PHACTR2: variants seen among roughly 807,000 people sequenced by gnomAD.
The protein encoded by PHACTR2 is phosphatase and actin regulator 2.
PHACTR2 carries 30 observed loss-of-function variants against 76.0 expected under a neutral mutation model. The observed-to-expected ratio is 0.39, with a 90% CI of 0.30 to 0.54. The LOEUF (loss-of-function observed/expected upper bound fraction) is 0.54, where lower values mean the gene tolerates loss of function less well. PHACTR2 is among the 20% of genes least tolerant of loss of function. The pLI is 0.61. For synonymous variants in PHACTR2, 292 were observed against 292.5 expected (o/e 1.00, Z 0.02); for missense variants, 696 against 781.1 (o/e 0.89, Z 1.30).
Position 143,730,484 on chromosome 6 carries a change from C to G in PHACTR2, c.214+18301C>G, listed in dbSNP as rs1778675741. ...CCAGTTGTTCCTTGTATCATGCTACCTTATTAAACTCACTTATCAGTTCTA... is the reference window on the plus strand; with the variant it reads ...CCAGTTGTTCCTTGTATCATGCTACGTTATTAAACTCACTTATCAGTTCTA... On this transcript the variant is annotated intron_variant, in intron 2 of 12. Coordinates refer to ENST00000440869, the MANE Select transcript of PHACTR2 (RefSeq NM_001100164.2). This position sits in a 1 kb window ranked among gnomAD's most constrained non-coding sequence, Gnocchi z 4.8. Among the ~76,000 whole-genome samples, 1 of 151,878 alleles carries G rather than the reference C, an allele frequency of 6.6e-6. No individual in the cohort carries two copies. Among genetic ancestry groups the G allele is most frequent in the African/African-American group, 2.4e-5 (1 of 41,352 alleles).
In PHACTR2 at chr6:143,829,034, T is replaced by C. The variant is rs1455594135; in HGVS notation, c.*5345T>C. On this transcript the variant is annotated 3_prime_UTR_variant, in exon 13 of 13. Transcript: ENST00000440869. Reference sequence around the variant, plus strand: ...CCTGAATGGTTTTTCTCCCTTCATTTTTCGAGCCTTTCTCTCAGTGCAGCT... The same window carrying C: ...CCTGAATGGTTTTTCTCCCTTCATTCTTCGAGCCTTTCTCTCAGTGCAGCT... 2 of 152,140 alleles carry C rather than the reference T, an allele frequency of 1.3e-5. No individual in the cohort carries two copies. Among genetic ancestry groups the C allele is most frequent in the African/African-American group, 4.8e-5 (2 of 41,406 alleles). The allele number at this position is 152,140 out of a possible 1,614,324, so 9.4% of individuals were successfully genotyped here.
In PHACTR2 at chr6:143,811,275, A is replaced by G. The variant is rs9496772; in HGVS notation, c.1922+4142A>G. 7.4e-3 allele frequency among the ~76,000 whole-genome samples: 1,127 copies of G among 152,194 alleles called. 17 individuals carry two copies. The highest frequency in any genetic ancestry group is 0.025 in the African/African-American group (1,053 of 41,526). ...TTTCTGGATTGCTTATTATGTTCTA[A>G]TGAGCTGTTTGTCTATCCATGTCTA... is the stretch of plus-strand genomic sequence containing the variant. On this transcript the variant is annotated intron_variant, in intron 12 of 12. Coordinates refer to ENST00000440869, the MANE Select transcript of PHACTR2 (RefSeq NM_001100164.2). The surrounding 1 kb of genome is among the most constrained non-coding windows in gnomAD (Gnocchi z 4.1).
intron 1 of PHACTR2, among the ~76,000 whole-genome samples, chr6:143,705,757 A>G (rs185756732): frequency 7.4e-4 from 112 of 152,258 alleles, no homozygotes; most frequent in African/African-American, 2.4e-3. Flanking sequence ...ACAGCTTATC[A>G]CTGGTGATGT....
chr6:143,546,569 A>G lies in PHACTR2; in HGVS notation c.217+9362A>G, dbSNP rs1282024153. Among the ~76,000 whole-genome samples, 1 of 152,190 alleles carries G rather than the reference A, an allele frequency of 6.6e-6. No homozygotes were observed. The highest frequency in any genetic ancestry group is 2.4e-5 in the African/African-American group (1 of 41,448). The stretch of plus-strand genomic sequence containing the variant: ...TTTCACCTACCTGAATGTTTGGCAT[A>G]TCTTCTTTGGAGGTATAATTTCTAT... On this transcript the variant is annotated intron_variant, in intron 1 of 11. Transcript: ENST00000367584. The surrounding 1 kb of genome is among the most constrained non-coding windows in gnomAD (Gnocchi z 4.9).
rs1369703269 is a variant in PHACTR2, at chr6:143,829,783, C to T, written c.*6094C>T. 6.6e-6 allele frequency: 1 copy of T among 151,936 alleles called. No homozygotes were observed. The highest frequency in any genetic ancestry group is 1.5e-5 in the Non-Finnish European group (1 of 67,986). The allele number at this position is 151,936 out of a possible 1,614,324, so 9.4% of individuals were successfully genotyped here. A position where few individuals can be genotyped will look rare whatever the true frequency, so the allele number is the denominator to read the frequency against. ...AAAGTTTCTAAATTGTTTTTGGGGC[C>T]GAGTAACGCAGAGTCAATAAAGGTG... On this transcript the variant is annotated 3_prime_UTR_variant, in exon 13 of 13. Coordinates refer to ENST00000440869, the MANE Select transcript of PHACTR2 (RefSeq NM_001100164.2).
At chr6:143,768,739 G>T (rs1775019849) in intron 6 of PHACTR2, among the ~76,000 whole-genome samples, 1 of 152,122 alleles carries the variant, frequency 6.6e-6, no homozygotes. Flanking sequence ...ATAATCAGAG[G>T]GAGTGAGCTT....
intron 2 of PHACTR2, among the ~76,000 whole-genome samples, chr6:143,728,346 G>A (rs1199363931): frequency 6.6e-6 from 1 of 150,510 alleles, no homozygotes; most frequent in African/African-American, 2.4e-5. Context: ...CGAGTAGCTG[G>A]GACTACAGGC....
At chr6:143,666,131 G>C (rs1777030324) in intron 1 of PHACTR2, among the ~76,000 whole-genome samples, 2 of 151,244 alleles carry the variant, frequency 1.3e-5, no homozygotes, top group Admixed American at 6.6e-5. Flanking sequence ...TGTGGTGTTT[G>C]GTTTTCCGTT....
chr6:143,588,949 A>G (rs984081055), intron 1 of PHACTR2, among the ~76,000 whole-genome samples: 1 of 152,242 alleles, frequency 6.6e-6, no homozygotes, highest in African/African-American at 2.4e-5. Context: ...TCAATGATCA[A>G]AATGCTTCAT....
chr6:143,725,730 G>T (rs1207560504), intron 2 of PHACTR2, among the ~76,000 whole-genome samples: 2 of 151,640 alleles, frequency 1.3e-5, no homozygotes, highest in African/African-American at 4.9e-5. Flanking sequence ...GGAGGCTGAG[G>T]CAGGACAATC....
chr6:143,665,979 C>T (rs141698811), intron 1 of PHACTR2, among the ~76,000 whole-genome samples: 2,798 of 152,090 alleles, frequency 0.018, 87 homozygotes, highest in African/African-American at 0.062. Flanking sequence ...CCCATAAACC[C>T]GTCATCTACA....
Position 143,592,708 on chromosome 6 carries a change from A to ATTCCATAT in PHACTR2, c.217+55503_217+55510dup, listed in dbSNP as rs1384801195. On this transcript the variant is annotated intron_variant, in intron 1 of 11. Coordinates refer to the PHACTR2 transcript ENST00000367584. The surrounding 1 kb of genome is among the most constrained non-coding windows in gnomAD (Gnocchi z 4.0). The stretch of plus-strand genomic sequence containing the variant: ...TAGACTTGGGTTCCATCCCCAGTTC[A>ATTCCATAT]TTCCATATTCATTGTCTACATTACA... Among the ~76,000 whole-genome samples the ATTCCATAT allele has an allele frequency of 6.6e-6, 1 of 152,132 alleles. No homozygotes were observed. The highest frequency in any genetic ancestry group is 1.9e-4 in the East Asian group (1 of 5,180).
At position 143,580,319 on chromosome 6, in the gene PHACTR2, A is replaced by G. The variant is rs970722425; in HGVS notation, c.217+43112A>G. The stretch of plus-strand genomic sequence containing the variant: ...GCCAACACGGTGAAACCCCGTCTCT[A>G]CTAAAAATACAAAAAATTAGCCCGG... On this transcript the variant is annotated intron_variant, in intron 1 of 11. Coordinates refer to the PHACTR2 transcript ENST00000367584. This position sits in a 1 kb window ranked among gnomAD's most constrained non-coding sequence, Gnocchi z 4.2. Among the ~76,000 whole-genome samples, 14 of 152,282 alleles carry G rather than the reference A, an allele frequency of 9.2e-5. No homozygotes were observed. The highest frequency in any genetic ancestry group is 3.4e-4 in the African/African-American group (14 of 41,568).
intron 1 of PHACTR2, among the ~76,000 whole-genome samples, chr6:143,601,311 T>TA (rs1021615089): frequency 1.1e-4 from 16 of 152,306 alleles, no homozygotes; most frequent in Middle Eastern, 6.8e-3. Flanking sequence ...GGATGGCCTT[T>TA]AGATCTGTAC....
intron 3 of PHACTR2, among the ~76,000 whole-genome samples, chr6:143,749,568 A>G (rs923251678): frequency 6.6e-6 from 1 of 152,176 alleles, no homozygotes; most frequent in Non-Finnish European, 1.5e-5. Context: ...AGGCAAACTA[A>G]ACTAACCTGC....
At chr6:143,737,694 C>T (rs1778851383) in intron 2 of PHACTR2, among the ~76,000 whole-genome samples, 1 of 152,210 alleles carries the variant, frequency 6.6e-6, no homozygotes, top group African/African-American at 2.4e-5. Flanking sequence ...AGTTACCTTT[C>T]CCCAAACTGC....
At position 143,663,809 on chromosome 6, in the gene PHACTR2, T is replaced by C. The variant is rs1478096808; in HGVS notation, c.14-48207T>C. Among the ~76,000 whole-genome samples the C allele has an allele frequency of 6.6e-6, 1 of 152,168 alleles. No homozygotes were observed. Among genetic ancestry groups the C allele is most frequent in the Admixed American group, 6.5e-5 (1 of 15,272 alleles). On this transcript the variant is annotated intron_variant, in intron 1 of 11. Coordinates refer to the PHACTR2 transcript ENST00000305766. This position sits in a 1 kb window ranked among gnomAD's most constrained non-coding sequence, Gnocchi z 4.1. ...GTCAGAGATCAGGGATTACTTAATA[T>C]GAATTACTTAAAATTTATTGAGATT...
intron 1 of PHACTR2, among the ~76,000 whole-genome samples, chr6:143,620,464 ATACT>A (rs1362034645): frequency 2.6e-5 from 4 of 151,730 alleles, no homozygotes; most frequent in African/African-American, 9.7e-5. Flanking sequence ...AATGCTGTAC[ATACT>A]TCACCAAATT....
intron 1 of PHACTR2, among the ~76,000 whole-genome samples, chr6:143,620,400 T>A (rs1776132252): frequency 6.6e-6 from 1 of 151,826 alleles, no homozygotes; most frequent in Non-Finnish European, 1.5e-5. Context: ...CAGAAAATTA[T>A]GTTTTCAATG....
Sources: allele counts gnomAD v4.1 joint callset (sites outside exome capture counted in the v4.1 genomes callset), GRCh38; gene constraint gnomAD v4.1.1; non-coding constraint Gnocchi (gnomAD v3.1); transcripts MANE v1.5; gene names NCBI Gene and HGNC (gene_info 2026-07-23, HGNC 2026-07-21).